PDE1C: variants seen among roughly 807,000 people sequenced by gnomAD.
PDE1C encodes the protein dual specificity calcium/calmodulin-dependent 3',5'-cyclic nucleotide phosphodiesterase 1C.
PDE1C carries 62 observed loss-of-function variants against 93.1 expected under a neutral mutation model. That is an observed-to-expected ratio of 0.67 (90% CI 0.54 to 0.82). PDE1C has a LOEUF of 0.82. PDE1C is among the 40% of genes least tolerant of loss of function. The pLI is 0.00. For synonymous variants in PDE1C, 325 were observed against 310.1 expected (o/e 1.05, Z -0.50); for missense variants, 742 against 884.6 (o/e 0.84, Z 2.04).
rs764920565 is a variant in PDE1C, at chr7:32,147,276, G to GAAAGAAAGAAAC, written c.308+22508_308+22509insGTTTCTTTCTTT. Among the ~76,000 whole-genome samples, 182 of 64,924 alleles carry GAAAGAAAGAAAC rather than the reference G, an allele frequency of 2.8e-3. 4 individuals are homozygous for GAAAGAAAGAAAC. The highest frequency in any genetic ancestry group is 0.01 in the Middle Eastern group (1 of 96). The allele number at this position is 64,924 out of a possible 152,430, so 42.6% of individuals were successfully genotyped here. On this transcript the variant is annotated intron_variant, in intron 3 of 18. Transcript: ENST00000396193. ...GAAAAGAAAGAAAGAAAGAAAAAAAGAAAGAAAGAAAGAAAGAAAGAAAGA... is the reference window on the plus strand; with the variant it reads ...GAAAAGAAAGAAAGAAAGAAAAAAAGAAAGAAAGAAACAAAGAAAGAAAGAAAGAAAGAAAGA...
chr7:31,867,004 C>A (rs1795378793), intron 6 of PDE1C, among the ~76,000 whole-genome samples: 1 of 152,082 alleles, frequency 6.6e-6, no homozygotes, highest in South Asian at 2.1e-4. Context: ...TACAGCAAGG[C>A]ACCATATTGA....
intron 2 of PDE1C, among the ~76,000 whole-genome samples, chr7:31,964,253 C>T (rs146399666): frequency 0.045 from 6,912 of 152,294 alleles, 513 homozygotes; most frequent in African/African-American, 0.15. Flanking sequence ...GGGTCACTCC[C>T]ACCCTAATAC....
chr7:31,778,393 TTTGGG>T (rs1173170983), intron 16 of PDE1C, among the ~76,000 whole-genome samples: 1 of 152,186 alleles, frequency 6.6e-6, no homozygotes, highest in Non-Finnish European at 1.5e-5. Flanking sequence ...TCATTTGACC[TTTGGG>T]ATAGGGTTTC....
At chr7:32,195,816 C>G (rs1399318870) in intron 2 of PDE1C, among the ~76,000 whole-genome samples, 1 of 152,132 alleles carries the variant, frequency 6.6e-6, no homozygotes, top group Non-Finnish European at 1.5e-5. Flanking sequence ...CTTATTATGC[C>G]AGATAGAGGT....
chr7:32,027,605 G>A (rs951691668), intron 2 of PDE1C, among the ~76,000 whole-genome samples: 1 of 5,242 alleles, frequency 1.9e-4, no homozygotes, highest in Non-Finnish European at 4.2e-4. Flanking sequence ...TATCAAAAAT[G>A]GTAAAAAAAA....
At chr7:32,208,764 G>A (rs1805799619) in intron 2 of PDE1C, among the ~76,000 whole-genome samples, 1 of 151,982 alleles carries the variant, frequency 6.6e-6, no homozygotes, top group African/African-American at 2.4e-5. Flanking sequence ...GCATTAACTT[G>A]CGGGATAATT....
intron 2 of PDE1C, among the ~76,000 whole-genome samples, chr7:31,936,382 C>A (rs182200062): frequency 6.6e-6 from 1 of 151,804 alleles, no homozygotes; most frequent in Non-Finnish European, 1.5e-5. Context: ...CAACAATATG[C>A]CCTTACAACA....
chr7:32,416,410 G>A (rs1207360000), intron 1 of PDE1C, among the ~76,000 whole-genome samples: 1 of 152,204 alleles, frequency 6.6e-6, no homozygotes, highest in African/African-American at 2.4e-5. Context: ...CACAATGTAA[G>A]CTTGGAGGGG....
At chr7:32,081,039 A>G (rs779845471) in intron 3 of PDE1C, among the ~76,000 whole-genome samples, 3 of 152,216 alleles carry the variant, frequency 2.0e-5, no homozygotes, top group Non-Finnish European at 4.4e-5. Context: ...AGTAATTAAC[A>G]TGGAAAGCCA....
At chr7:32,198,405 T>G (rs1376209173) in intron 2 of PDE1C, among the ~76,000 whole-genome samples, 1 of 152,206 alleles carries the variant, frequency 6.6e-6, no homozygotes, top group Non-Finnish European at 1.5e-5. Context: ...AAAATTCCGG[T>G]AGATTAAATG....
At chr7:32,212,959 G>C (rs906652664) in intron 1 of PDE1C, among the ~76,000 whole-genome samples, 1 of 152,194 alleles carries the variant, frequency 6.6e-6, no homozygotes, top group Non-Finnish European at 1.5e-5. Context: ...CAGGTGATAT[G>C]GTGGGTGCTG....
intron 2 of PDE1C, among the ~76,000 whole-genome samples, chr7:32,022,817 C>A (rs1300477457): frequency 6.6e-6 from 1 of 151,704 alleles, no homozygotes; most frequent in African/African-American, 2.4e-5. Flanking sequence ...AAATTAACGA[C>A]AGAATTTTAA....
intron 2 of PDE1C, among the ~76,000 whole-genome samples, chr7:31,911,093 T>C (rs763250810): frequency 6.6e-6 from 1 of 152,174 alleles, no homozygotes; most frequent in Non-Finnish European, 1.5e-5. Context: ...ACATGCAAAC[T>C]AGTAAATTCC....
chr7:32,263,479 A>G (rs1810362816), intron 1 of PDE1C, among the ~76,000 whole-genome samples: 1 of 152,140 alleles, frequency 6.6e-6, no homozygotes, highest in African/African-American at 2.4e-5. Flanking sequence ...CTAAATACTT[A>G]AGGTTCTATT....
intron 2 of PDE1C, among the ~76,000 whole-genome samples, chr7:31,909,215 A>C (rs1213923420): frequency 1.3e-5 from 2 of 152,210 alleles, no homozygotes; most frequent in Non-Finnish European, 2.9e-5. Flanking sequence ...TCTACTCAAG[A>C]AACACACAGG....
intron 3 of PDE1C, among the ~76,000 whole-genome samples, chr7:32,169,439 C>T (rs1048951041): frequency 6.6e-6 from 1 of 152,176 alleles, no homozygotes; most frequent in Middle Eastern, 3.2e-3. Flanking sequence ...CCAACACGTG[C>T]TTTTTCTCTA....
At chr7:31,662,584 G>A in the PDE1C span, among the ~76,000 whole-genome samples, 14 of 133,612 alleles carry the variant, frequency 1.0e-4, no homozygotes, top group South Asian at 2.9e-3. Context: ...TTGTATAAGT[G>A]TCTGTGTCTG....
At chr7:31,898,173 T>C (rs1161635144) in intron 2 of PDE1C, among the ~76,000 whole-genome samples, 1 of 152,138 alleles carries the variant, frequency 6.6e-6, no homozygotes, top group Non-Finnish European at 1.5e-5. Flanking sequence ...ATTCCTTTCA[T>C]AGTCTCCCAC....
At chr7:32,393,469 G>A (rs1321219942) in intron 1 of PDE1C, among the ~76,000 whole-genome samples, 1 of 152,078 alleles carries the variant, frequency 6.6e-6, no homozygotes, top group Non-Finnish European at 1.5e-5. Context: ...CTACAGAAAA[G>A]CCTGAAGTCT....
Sources: gnomAD v4.1 joint callset for allele counts (sites outside exome capture counted in the v4.1 genomes callset) on GRCh38, gnomAD v4.1.1 for gene constraint, MANE v1.5 for transcripts, NCBI Gene and HGNC (gene_info 2026-07-23, HGNC 2026-07-21) for gene names.